EPRS1: variants seen among roughly 807,000 people sequenced by gnomAD.
EPRS1 encodes the protein bifunctional glutamate/proline--tRNA ligase.
In EPRS1, 107 loss-of-function variants were observed where a neutral mutation model predicts 188.3. The ratio of observed to expected loss-of-function variants is 0.57; its 90% confidence interval spans 0.49 to 0.67. EPRS1 has a LOEUF of 0.67. Among genes scored for constraint, EPRS1 ranks in the 30% least tolerant of loss-of-function variants. The pLI is 0.00. For synonymous variants in EPRS1, 596 were observed against 593.1 expected (o/e 1.00, Z -0.07); for missense variants, 1,577 against 1,802.2 (o/e 0.88, Z 2.26).
intron 6 of EPRS1, 104 bp downstream of exon 6, chr1:220,030,282 T>G (rs1388343121): frequency 1.5e-6 from 1 of 681,746 alleles, no homozygotes; most frequent in Non-Finnish European, 2.5e-6. Flanking sequence ...AAATCTTATG[T>G]TCTTCTATAT....
chr1:219,987,479 T>G, intron 19 of EPRS1, 75 bp from the exon 20 acceptor site: 1 of 1,241,872 alleles, frequency 8.1e-7, no homozygotes, highest in Non-Finnish European at 1.1e-6. Flanking sequence ...CTTAAACAAA[T>G]ACAATGCTCA....
intron 12 of EPRS1, 91 bp downstream of exon 12, chr1:220,018,358 T>G: frequency 5.3e-6 from 6 of 1,123,332 alleles, no homozygotes; most frequent in Non-Finnish European, 8.0e-6. Context: ...TTCACAAACT[T>G]TTCTCTACCA....
At chr1:219,976,532 A>G (rs7536968) in intron 28 of EPRS1, among the ~76,000 whole-genome samples, 70,416 of 151,996 alleles carry the variant, frequency 0.46, 16,411 homozygotes, top group South Asian at 0.52. Flanking sequence ...GTAGGAGAGT[A>G]TGTTTGCAGG....
intron 18 of EPRS1, among the ~76,000 whole-genome samples, chr1:219,994,440 C>A (rs1661186838): frequency 6.6e-6 from 1 of 151,942 alleles, no homozygotes. Flanking sequence ...AATGTATATA[C>A]AGCTCACATT....
At chr1:220,017,520 T>G (rs999311667) in intron 12 of EPRS1, among the ~76,000 whole-genome samples, 1 of 152,200 alleles carries the variant, frequency 6.6e-6, no homozygotes, top group Non-Finnish European at 1.5e-5. Flanking sequence ...CAATTAACAA[T>G]TCCTTTATGT....
At chr1:220,031,530 T>A (rs902483371) in intron 5 of EPRS1, among the ~76,000 whole-genome samples, 1 of 152,236 alleles carries the variant, frequency 6.6e-6, no homozygotes, top group Non-Finnish European at 1.5e-5. Context: ...CAGTGAAGGA[T>A]GAGTAAAGAT....
chr1:220,006,958 T>A (rs1313578240), intron 14 of EPRS1, among the ~76,000 whole-genome samples: 1 of 152,196 alleles, frequency 6.6e-6, no homozygotes, highest in Non-Finnish European at 1.5e-5. Context: ...ATTACAACTA[T>A]TTTTTATATC....
chr1:219,985,218 C>A (rs887853760), intron 20 of EPRS1, among the ~76,000 whole-genome samples: 3 of 152,082 alleles, frequency 2.0e-5, no homozygotes, highest in Non-Finnish European at 2.9e-5. Context: ...AATAGAGACA[C>A]AGCCTGTTCA....
At chr1:219,998,211 A>T (rs1426578204) in intron 17 of EPRS1, among the ~76,000 whole-genome samples, 1 of 152,038 alleles carries the variant, frequency 6.6e-6, no homozygotes, top group Non-Finnish European at 1.5e-5. Flanking sequence ...AAATTCCAAA[A>T]ATTTTCATCT....
At chr1:219,983,932 C>T (rs1007950687) in intron 21 of EPRS1, among the ~76,000 whole-genome samples, 5 of 150,842 alleles carry the variant, frequency 3.3e-5, no homozygotes, top group African/African-American at 1.2e-4. Context: ...AATCCTGCCT[C>T]TGCTATTGAC....
chr1:220,018,594 A>G (rs2102588316), intron 11 of EPRS1, 86 bp from the exon 12 acceptor site: 1 of 847,580 alleles, frequency 1.2e-6, no homozygotes, highest in Middle Eastern at 3.5e-4. Flanking sequence ...TGTTTAGAAA[A>G]AAAAAAAAAA....
intron 8 of EPRS1, among the ~76,000 whole-genome samples, chr1:220,023,039 A>G (rs560312324): frequency 6.6e-6 from 1 of 152,320 alleles, no homozygotes; most frequent in African/African-American, 2.4e-5. Context: ...GTCTGAGCTC[A>G]TGGGCTCCCT....
intron 2 of EPRS1, among the ~76,000 whole-genome samples, chr1:220,036,271 T>C (rs748387984): frequency 3.3e-5 from 5 of 152,174 alleles, no homozygotes; most frequent in Non-Finnish European, 5.9e-5. Context: ...AAAAGCAGTA[T>C]GGCATTTTCT....
chr1:220,024,374 T>C lies in EPRS1; in HGVS notation c.833A>G (p.Lys278Arg). 1.2e-6 allele frequency: 2 copies of C among 1,612,736 alleles called. No homozygotes were observed. Among genetic ancestry groups the C allele is most frequent in the Non-Finnish European group, 1.7e-6 (2 of 1,178,964 alleles). Reference sequence around the variant, plus strand: ...TTCTTGAATTAGCTTCTCTGCATACTTCATTATAGTTTCAAAATGATCCGA... The same window carrying C: ...TTCTTGAATTAGCTTCTCTGCATACCTCATTATAGTTTCAAAATGATCCGA... The part of the protein sequence containing the change: ...YTSDHFETIM[K>R]YAEKLIQEGK... The change falls in exon 8 of 32, where the codon AAG becomes AGG. Residue 278 changes from lysine (K) to arginine (R), a missense_variant. Coordinates refer to ENST00000366923, the MANE Select transcript of EPRS1 (RefSeq NM_004446.3).
chr1:220,041,275 T>C (rs1394212489), intron 1 of EPRS1, among the ~76,000 whole-genome samples: 2 of 151,426 alleles, frequency 1.3e-5, no homozygotes, highest in African/African-American at 4.9e-5. Context: ...ATGGCCGCAG[T>C]GAGCCCTGAT....
intron 23 of EPRS1, 108 bp downstream of exon 23, chr1:219,982,664 T>A (rs1476487099): frequency 3.8e-6 from 3 of 798,924 alleles, no homozygotes; most frequent in Non-Finnish European, 6.3e-6. Flanking sequence ...AAATGTTATA[T>A]CGTCAACAGA....
intron 9 of EPRS1, among the ~76,000 whole-genome samples, chr1:220,020,710 C>A (rs571491371): frequency 1.0e-3 from 145 of 144,842 alleles, no homozygotes; most frequent in Middle Eastern, 3.7e-3. Context: ...AAAAAAAAAA[C>A]CGACAGAAGA....
chr1:220,027,701 C>T lies in EPRS1; in HGVS notation c.624-2443G>A, dbSNP rs557670654. On this transcript the variant is annotated intron_variant, in intron 6 of 31. Coordinates refer to ENST00000366923, the MANE Select transcript of EPRS1 (RefSeq NM_004446.3). Reference sequence around the variant, plus strand: ...TTTATACATATAATAAAGGGCTGTACGCCGGGTGCAGTGGCTCATGCCTGT... The same window carrying T: ...TTTATACATATAATAAAGGGCTGTATGCCGGGTGCAGTGGCTCATGCCTGT... Among the ~76,000 whole-genome samples, 19 of 151,330 alleles carry T rather than the reference C, an allele frequency of 1.3e-4. No individual in the cohort carries two copies. In the South Asian group the frequency reaches 3.7e-3, roughly 30 times the overall value.
chr1:220,032,733 A>G (rs926142862), intron 4 of EPRS1, among the ~76,000 whole-genome samples: 2 of 152,140 alleles, frequency 1.3e-5, no homozygotes, highest in African/African-American at 4.8e-5. Context: ...GATACAACCA[A>G]CTGAAGACGA....
Sources: allele counts gnomAD v4.1 joint callset (sites outside exome capture counted in the v4.1 genomes callset), GRCh38; gene constraint gnomAD v4.1.1; transcripts MANE v1.5; gene names NCBI Gene and HGNC (gene_info 2026-07-23, HGNC 2026-07-21).